Variants in RCN3 observed in about 807,000 individuals in gnomAD.
RCN3 encodes the protein reticulocalbin 3.
In RCN3, 41 loss-of-function variants were observed where a neutral mutation model predicts 35.9. The ratio of observed to expected loss-of-function variants is 1.14; its 90% CI spans 0.89 to 1.48. The LOEUF is 1.48. RCN3 is among the 40% of genes most tolerant of loss of function. The pLI is 0.00. For missense variants in RCN3, 451 were observed against 471.3 expected (o/e 0.96, Z 0.40); for synonymous variants, 187 against 193.4 (o/e 0.97, Z 0.27).
In RCN3 at chr19:49,537,156, C is replaced by T; in HGVS notation, c.569C>T (p.Ala190Val). 1.3e-6 allele frequency: 2 copies of T among 1,582,742 alleles called. No individual in the cohort carries two copies. The highest frequency in any genetic ancestry group is 1.7e-6 in the Non-Finnish European group (2 of 1,163,516). The change falls in exon 4 of 7, where the codon GCC (alanine) becomes GTC (valine). Residue 190 changes from alanine (A) to valine (V), a missense_variant. Ala to Val is a moderately conservative substitution (Grantham distance 64, BLOSUM62 0). Coordinates refer to ENST00000270645, the MANE Select transcript of RCN3 (RefSeq NM_020650.3). Reference sequence around the variant, plus strand: ...ATGGCCACTCGAGAGGAGCTGACAGCCTTCCTGCACCCCGAGGAGTTCCCT... The same window carrying T: ...ATGGCCACTCGAGAGGAGCTGACAGTCTTCCTGCACCCCGAGGAGTTCCCT... ...DSMATREELT[A>V]FLHPEEFPHM...
In RCN3 at chr19:49,535,983, A is replaced by C. The variant is rs542991119; in HGVS notation, c.446-1050A>C. On this transcript the variant is annotated intron_variant, in intron 3 of 6. Transcript: ENST00000270645. The stretch of plus-strand genomic sequence containing the variant: ...ATATACAAATTATATATAAAGTATC[A>C]ATATATGCTTTTTTTTTTTTGTGAG... 2.0e-5 allele frequency among the ~76,000 whole-genome samples: 3 copies of C among 147,848 alleles called. No homozygotes were observed. In the East Asian group the frequency reaches 5.9e-4, roughly 29 times the overall value.
intron 6 of RCN3, among the ~76,000 whole-genome samples, 173 bp downstream of exon 6, chr19:49,542,925 G>C (rs1298153344): frequency 6.6e-6 from 1 of 151,960 alleles, no homozygotes; most frequent in Non-Finnish European, 1.5e-5. Context: ...AAGAGAGGGG[G>C]ACAGAGACCC....
At chr19:49,530,135 C>A (rs1056947266) in intron 2 of RCN3, among the ~76,000 whole-genome samples, 6 of 151,428 alleles carry the variant, frequency 4.0e-5, no homozygotes, top group African/African-American at 1.5e-4. Context: ...AAGTGAACGC[C>A]TCCACATCCA....
At chr19:49,529,330 G>A (rs557594426) in intron 2 of RCN3, among the ~76,000 whole-genome samples, 2 of 152,318 alleles carry the variant, frequency 1.3e-5, no homozygotes, top group South Asian at 2.1e-4. Flanking sequence ...AGGGACTGGT[G>A]TGGAAAATGA....
intron 5 of RCN3, among the ~76,000 whole-genome samples, chr19:49,540,020 G>C (rs1199335055): frequency 1.3e-5 from 2 of 151,944 alleles, no homozygotes; most frequent in African/African-American, 2.4e-5. Flanking sequence ...ACCACGCCCG[G>C]CCAGGAATTT....
At chr19:49,542,955 G>T (rs944080245) in intron 6 of RCN3, 151 bp from the exon 7 acceptor site, 10 of 823,260 alleles carry the variant, frequency 1.2e-5, no homozygotes, top group African/African-American at 1.0e-4. Context: ...AAGAGAGAAG[G>T]ACAGGGACCA....
rs531189055 is a variant in RCN3, at chr19:49,541,271, A to G, written c.680-1282A>G. Among the ~76,000 whole-genome samples the G allele has an allele frequency of 6.6e-5, 10 of 152,114 alleles. No homozygotes were observed. The East Asian group carries it at 1.6e-3, about 24-fold the overall frequency. Reference sequence around the variant, plus strand: ...TCATCCCATTAAGACTTCATCTTCCATTCCTCAGCTCTACCAGGCAGACAC... The same window carrying G: ...TCATCCCATTAAGACTTCATCTTCCGTTCCTCAGCTCTACCAGGCAGACAC... On this transcript the variant is annotated intron_variant, in intron 5 of 6. Coordinates refer to ENST00000270645, the MANE Select transcript of RCN3 (RefSeq NM_020650.3).
At chr19:49,537,314 C>T in intron 4 of RCN3, 109 bp downstream of exon 4, 1 of 1,131,794 alleles carries the variant, frequency 8.8e-7, no homozygotes, top group Non-Finnish European at 1.2e-6. Flanking sequence ...TCACCTGGTT[C>T]TCCAGCATCT....
At chr19:49,537,350 C>G in intron 4 of RCN3, 145 bp downstream of exon 4, 1 of 782,100 alleles carries the variant, frequency 1.3e-6, no homozygotes, top group East Asian at 3.1e-5. Context: ...GCCGCAAACA[C>G]AGGTCAGAGG....
chr19:49,543,014 G>T, intron 6 of RCN3, 92 bp from the exon 7 acceptor site: 1 of 1,067,982 alleles, frequency 9.4e-7, no homozygotes, highest in South Asian at 1.3e-5. Context: ...AGAGAACAAG[G>T]GTCCCAGAGA....
chr19:49,535,869 T>TAGATAGATAG (rs537369006), intron 3 of RCN3, among the ~76,000 whole-genome samples: 3 of 145,068 alleles, frequency 2.1e-5, no homozygotes, highest in African/African-American at 7.8e-5. Context: ...AAAATATATA[T>TAGATAGATAG]ATATATAGAT....
chr19:49,534,796 G>T (rs1297863954), intron 3 of RCN3, among the ~76,000 whole-genome samples: 2 of 152,076 alleles, frequency 1.3e-5, no homozygotes, highest in East Asian at 3.9e-4. Context: ...GTGACAATAT[G>T]ACTAGGGTAC....
intron 3 of RCN3, 48 bp downstream of exon 3, chr19:49,534,443 C>A: frequency 2.0e-6 from 3 of 1,518,856 alleles, no homozygotes; most frequent in Admixed American, 2.0e-5. Context: ...GTGACCCTGA[C>A]CTTCTGGACC....
At chr19:49,533,840 C>T (rs2080120738) in intron 2 of RCN3, among the ~76,000 whole-genome samples, 1 of 152,176 alleles carries the variant, frequency 6.6e-6, no homozygotes, top group Non-Finnish European at 1.5e-5. Flanking sequence ...CGCTCCCCTT[C>T]ACCACCCCAG....
At chr19:49,538,180 T>TC (rs2080145980) in intron 4 of RCN3, among the ~76,000 whole-genome samples, 1 of 143,200 alleles carries the variant, frequency 7.0e-6, no homozygotes, top group East Asian at 2.0e-4. Context: ...TTTTTTTTTT[T>TC]CAGACGGAGT....
intron 5 of RCN3, among the ~76,000 whole-genome samples, chr19:49,540,549 G>T (rs1041835541): frequency 6.6e-6 from 1 of 152,022 alleles, no homozygotes; most frequent in Non-Finnish European, 1.5e-5. Flanking sequence ...GAACCCGGGA[G>T]GCAAAGGTTG....
At position 49,528,725 on chromosome 19, in the gene RCN3, C is replaced by T. The variant is rs1271931164; in HGVS notation, c.242+11C>T. On this transcript the variant is annotated intron_variant, in intron 2 of 6. Coordinates refer to ENST00000270645, the MANE Select transcript of RCN3 (RefSeq NM_020650.3). Reference sequence around the variant, plus strand: ...CCAGGCCCGTCTGGGGTAAGAGAGACATTCGGTTGGGGCGTGTCCAGAGGT... The same window carrying T: ...CCAGGCCCGTCTGGGGTAAGAGAGATATTCGGTTGGGGCGTGTCCAGAGGT... 5 of 1,564,308 alleles carry T rather than the reference C, an allele frequency of 3.2e-6. No individual in the cohort carries two copies. Among genetic ancestry groups the T allele is most frequent in the South Asian group, 1.2e-5 (1 of 84,714 alleles).
rs2080173232 is a variant in RCN3, at chr19:49,543,368, T to C, written c.*155T>C. The C allele has an allele frequency of 1.5e-6, 1 of 657,942 alleles. No homozygotes were observed. Among genetic ancestry groups the C allele is most frequent in the Non-Finnish European group, 2.7e-6 (1 of 368,366 alleles). The allele number at this position is 657,942 out of a possible 1,614,324, so 40.8% of individuals were successfully genotyped here. A position where few individuals can be genotyped will look rare whatever the true frequency, so the allele number is the denominator to read the frequency against. ...GCTCTCAGGGACCCCCTGGGTCGGC[T>C]TCTGTCCCTGTCACACCCCCAACCC... On this transcript the variant is annotated 3_prime_UTR_variant, in exon 7 of 7. Coordinates refer to ENST00000270645, the MANE Select transcript of RCN3 (RefSeq NM_020650.3).
Position 49,543,264 on chromosome 19 carries a change from G to GGGGCCAGACCACAGC in RCN3, c.*53_*54insGCCAGACCACAGCGG. ...GAGGCCCGCACAATGACCGGAGGAGGGGCCGCTGTGGTCTGGCCCCCTCCC... is the reference window on the plus strand; with the variant it reads ...GAGGCCCGCACAATGACCGGAGGAGGGGGCCAGACCACAGCGGCCGCTGTGGTCTGGCCCCCTCCC... On this transcript the variant is annotated 3_prime_UTR_variant, in exon 7 of 7. Transcript: ENST00000270645. 6.9e-7 allele frequency: 1 copy of GGGGCCAGACCACAGC among 1,446,760 alleles called. No homozygotes were observed. The highest frequency in any genetic ancestry group is 9.6e-7 in the Non-Finnish European group (1 of 1,038,014). 89.6% of individuals were successfully genotyped at this position (1,446,760 alleles called of 1,614,324 possible).
Sources: gnomAD v4.1 joint callset for allele counts (sites outside exome capture counted in the v4.1 genomes callset) on GRCh38, gnomAD v4.1.1 for gene constraint, MANE v1.5 for transcripts, NCBI Gene and HGNC (gene_info 2026-07-23, HGNC 2026-07-21) for gene names.